LMF1: variants seen among roughly 807,000 people sequenced by gnomAD.
LMF1 encodes lipase maturation factor 1, also known as transmembrane protein 112.
Under a neutral mutation model 60.6 loss-of-function variants are expected in LMF1, and 68 were observed. That is an observed-to-expected ratio of 1.12 (90% CI 0.92 to 1.37). LMF1 has a LOEUF of 1.37. LMF1 is among the 40% of genes most tolerant of loss of function. The pLI is 0.00. For synonymous variants in LMF1, 418 were observed against 324.7 expected (o/e 1.29, Z -3.09); for missense variants, 948 against 767.2 (o/e 1.24, Z -2.78).
intron 2 of LMF1, among the ~76,000 whole-genome samples, chr16:938,322 T>C (rs2072000990): frequency 9.1e-6 from 1 of 109,884 alleles, no homozygotes; most frequent in Admixed American, 8.8e-5. Flanking sequence ...CAGGGCTGGA[T>C]GGTGGCTCGC....
chr16:879,448 C>T (rs1185869804), intron 6 of LMF1, 122 bp downstream of exon 6: 5 of 1,175,798 alleles, frequency 4.3e-6, no homozygotes, highest in Non-Finnish European at 4.7e-6. Flanking sequence ...GGAGGACAGG[C>T]TGTCCCCAAG....
intron 3 of LMF1, among the ~76,000 whole-genome samples, chr16:925,460 T>G (rs1220502733): frequency 6.6e-6 from 1 of 152,210 alleles, no homozygotes; most frequent in African/African-American, 2.4e-5. Flanking sequence ...GCGTGGTGGC[T>G]CATGCCTGTA....
intron 6 of LMF1, among the ~76,000 whole-genome samples, 179 bp downstream of exon 6, chr16:879,391 G>T (rs1188389028): frequency 1.3e-5 from 2 of 152,260 alleles, no homozygotes; most frequent in African/African-American, 4.8e-5. Context: ...TCAGCCTGCA[G>T]CCCGGGACAG....
intron 5 of LMF1, among the ~76,000 whole-genome samples, chr16:890,515 C>G (rs2070452194): frequency 6.6e-6 from 1 of 152,150 alleles, no homozygotes; most frequent in Non-Finnish European, 1.5e-5. Context: ...GCTCATGGCT[C>G]TCTGTGAGCC....
At chr16:973,335 ACT>A (rs567848976), upstream of LMF1, among the ~76,000 whole-genome samples, 3 of 152,246 alleles carry the variant, frequency 2.0e-5, no homozygotes, top group South Asian at 6.2e-4. Context: ...ACAGAGCGAG[ACT>A]CTGTCTCACT....
chr16:954,366 C>T lies in LMF1; in HGVS notation c.494G>A (p.Gly165Asp). 1 of 1,611,774 alleles carries T rather than the reference C, an allele frequency of 6.2e-7. No individual in the cohort carries two copies. Among genetic ancestry groups the T allele is most frequent in the African/African-American group, 1.3e-5 (1 of 74,960 alleles). Residue 165 changes from glycine (G) to aspartate (D), a missense_variant, in exon 2 of 11, where the codon GGC becomes GAC. Transcript: ENST00000262301. The part of the protein sequence containing the change: ...WGLYMSLVNV[G>D]HVWYSFGWES... ...CATTCCTGCTACTCACCAGACATGG[C>T]CCACATTAACCAGGGACATGTAGAG...
chr16:871,062 C>A, intron 7 of LMF1, 99 bp downstream of exon 7: 1 of 1,422,542 alleles, frequency 7.0e-7, no homozygotes, highest in East Asian at 2.5e-5. Context: ...TGACTCTCCT[C>A]CTACCCTGGC....
At chr16:979,786 G>A (rs763707722) in intron 1 of LMF1, 1 of 454,098 alleles carries the variant, frequency 2.2e-6, no homozygotes, top group East Asian at 6.9e-5. Flanking sequence ...GGGGGTGGAA[G>A]GTGGCACAGT....
chr16:891,550 G>T (rs954045798), intron 5 of LMF1, among the ~76,000 whole-genome samples: 1 of 152,192 alleles, frequency 6.6e-6, no homozygotes, highest in Non-Finnish European at 1.5e-5. Flanking sequence ...AGTGAGATGC[G>T]CTATGGAGCT....
rs532824042 is a variant in LMF1 at position 878,570 on chromosome 16, G to A, written c.897+1000C>T. ...TGGTGAAAACCAGAAACTACCACAC[G>A]TGCACAGACGGGACGGGTGAACCGA... is the stretch of plus-strand genomic sequence containing the variant. On this transcript the variant is annotated intron_variant, in intron 6 of 10. Coordinates refer to ENST00000262301, the MANE Select transcript of LMF1 (RefSeq NM_022773.4). The surrounding 1 kb of genome is among the most constrained non-coding windows in gnomAD (Gnocchi z 5.2). Among the ~76,000 whole-genome samples, 2 of 152,206 alleles carry A rather than the reference G, an allele frequency of 1.3e-5. No individual in the cohort carries two copies. The highest frequency in any genetic ancestry group is 1.9e-4 in the East Asian group (1 of 5,196).
intron 3 of LMF1, among the ~76,000 whole-genome samples, chr16:927,251 G>A (rs2151776311): frequency 6.6e-6 from 1 of 152,344 alleles, no homozygotes; most frequent in East Asian, 1.9e-4. Context: ...AGTCACCCAA[G>A]TGGGCTTCCC....
intron 3 of LMF1, among the ~76,000 whole-genome samples, chr16:917,764 C>T (rs1040677912): frequency 3.9e-5 from 6 of 152,188 alleles, no homozygotes; most frequent in Non-Finnish European, 1.5e-5. Flanking sequence ...CTGCTGTGCT[C>T]GCCCGGCACC....
intron 4 of LMF1, among the ~76,000 whole-genome samples, chr16:894,438 G>A (rs1454360382): frequency 7.0e-6 from 1 of 142,560 alleles, no homozygotes. Flanking sequence ...CTGTCCACCT[G>A]GCCGTCCGCC....
chr16:981,347 AGTGTGTGTGTGT>A (rs752216162), upstream of LMF1: 22 of 96,288 alleles, frequency 2.3e-4, no homozygotes, highest in South Asian at 8.1e-4. Flanking sequence ...AGAGAGAGAG[AGTGTGTGTGTGT>A]GTGTGTGTGT....
At chr16:922,001 T>C (rs73499222) in intron 3 of LMF1, among the ~76,000 whole-genome samples, 19,704 of 151,862 alleles carry the variant, frequency 0.13, 1,432 homozygotes, top group South Asian at 0.2. Flanking sequence ...ATCCTGTGAG[T>C]GGGCCTGGAA....
At chr16:926,215 G>A (rs914775397) in intron 3 of LMF1, among the ~76,000 whole-genome samples, 14 of 151,388 alleles carry the variant, frequency 9.2e-5, no homozygotes, top group Non-Finnish European at 1.5e-4. Context: ...GTCTGTGTGC[G>A]CGTGTGCACG....
At position 955,165 on chromosome 16, in the gene LMF1, C is replaced by T. The variant is rs74192395; in HGVS notation, c.194-499G>A. ...ACATAAAATGCGTGCCTGCAGCAGA[C>T]GCAGTGTGTGCATACACACACACAC... On this transcript the variant is annotated intron_variant, in intron 1 of 10. Coordinates refer to ENST00000262301, the MANE Select transcript of LMF1 (RefSeq NM_022773.4). 3.0e-4 allele frequency among the ~76,000 whole-genome samples: 37 copies of T among 123,558 alleles called. 7 individuals are homozygous for T. Among genetic ancestry groups the T allele is most frequent in the Non-Finnish European group, 5.7e-4 (33 of 57,726 alleles). 81.1% of individuals were successfully genotyped at this position (123,558 alleles called of 152,430 possible).
upstream of LMF1, among the ~76,000 whole-genome samples, chr16:971,429 T>C (rs1024589995): frequency 7.2e-5 from 11 of 152,144 alleles, no homozygotes; most frequent in Admixed American, 4.6e-4. Flanking sequence ...TGACACTCAC[T>C]CTCTGCGGAG....
intron 2 of LMF1, among the ~76,000 whole-genome samples, chr16:939,824 G>A (rs143229471): frequency 1.8e-4 from 28 of 152,352 alleles, no homozygotes; most frequent in South Asian, 8.3e-4. Flanking sequence ...AACAGGGTGC[G>A]CAGTCTGAGC....
Sources: gnomAD v4.1 joint callset for allele counts (sites outside exome capture counted in the v4.1 genomes callset) on GRCh38, gnomAD v4.1.1 for gene constraint, Gnocchi (gnomAD v3.1) non-coding constraint, MANE v1.5 for transcripts, NCBI Gene and HGNC (gene_info 2026-07-23, HGNC 2026-07-21) for gene names.